TNR: variants seen among roughly 807,000 people sequenced by gnomAD.
The protein encoded by TNR is tenascin R, also known as tenascin-R.
Under a neutral mutation model 150.4 loss-of-function variants are expected in TNR, and 45 were observed. That is an observed-to-expected ratio of 0.30 (90% CI 0.24 to 0.38). The LOEUF (loss-of-function observed/expected upper bound fraction) is 0.38. Among genes scored for constraint, TNR ranks in the 10% least tolerant of loss-of-function variants. The pLI is 1.00. For synonymous variants in TNR, 687 were observed against 678.4 expected (o/e 1.01, Z -0.20); for missense variants, 1,544 against 1,759.1 (o/e 0.88, Z 2.19).
chr1:175,622,769 C>T (rs890226401), intron 1 of TNR, among the ~76,000 whole-genome samples: 1 of 152,208 alleles, frequency 6.6e-6, no homozygotes, highest in Non-Finnish European at 1.5e-5. Flanking sequence ...ATTAGCAGGG[C>T]TATGATGCCT....
chr1:175,718,942 G>A (rs1429276694), intron 1 of TNR, among the ~76,000 whole-genome samples: 1 of 152,186 alleles, frequency 6.6e-6, no homozygotes, highest in African/African-American at 2.4e-5. Flanking sequence ...CTACCAGCAA[G>A]GACGTTCACT....
At chr1:175,732,682 A>C (rs2101955064) in intron 1 of TNR, among the ~76,000 whole-genome samples, 1 of 152,308 alleles carries the variant, frequency 6.6e-6, no homozygotes, top group Non-Finnish European at 1.5e-5. Context: ...ATGCTCAGAG[A>C]CAGCATAGTC....
Position 175,377,238 on chromosome 1 carries a change from T to C in TNR, c.1963+2314A>G, listed in dbSNP as rs139611143. Among the ~76,000 whole-genome samples the C allele has an allele frequency of 1.1e-3, 164 of 152,298 alleles. 1 individual carries two copies. Among genetic ancestry groups the C allele is most frequent in the African/African-American group, 3.2e-3 (134 of 41,572 alleles). ...TATAACTGTATGAGAGTTCCTGGAATAAGAGAGATGATCAGTGAGTGTCGG... is the reference window on the plus strand; with the variant it reads ...TATAACTGTATGAGAGTTCCTGGAACAAGAGAGATGATCAGTGAGTGTCGG... On this transcript the variant is annotated intron_variant, in intron 9 of 22. Coordinates refer to ENST00000367674, the MANE Select transcript of TNR (RefSeq NM_003285.3).
In TNR at chr1:175,365,066, A is replaced by T; in HGVS notation, c.2531T>A (p.Leu844His). Residue 844 changes from leucine to histidine, a missense_variant, in exon 12 of 23, where the codon CTT (leucine) becomes CAT (histidine). Physicochemically the swap from Leu to His is moderately conservative, Grantham distance 99 (BLOSUM62 -3). Coordinates refer to ENST00000367674, the MANE Select transcript of TNR (RefSeq NM_003285.3). The stretch of plus-strand genomic sequence containing the variant: ...GGTCACTGTGCCATGGACAGCCACA[A>T]GGTTCACAATATACTCTGTGGCTGG... ...LQPATEYIVNLVAVHGTVTSE... is the reference protein window; with the variant it reads ...LQPATEYIVNHVAVHGTVTSE... 6.2e-7 allele frequency: 1 copy of T among 1,614,028 alleles called. No homozygotes were observed. Among genetic ancestry groups the T allele is most frequent in the Non-Finnish European group, 8.5e-7 (1 of 1,179,932 alleles).
At chr1:175,374,786 G>T (rs1312220225) in intron 9 of TNR, among the ~76,000 whole-genome samples, 1 of 152,234 alleles carries the variant, frequency 6.6e-6, no homozygotes, top group Non-Finnish European at 1.5e-5. Flanking sequence ...GAGTGGGTAA[G>T]GGGTGCGATG....
chr1:175,531,185 G>C (rs983058), intron 1 of TNR, among the ~76,000 whole-genome samples: 17,331 of 152,266 alleles, frequency 0.11, 1,234 homozygotes, highest in Non-Finnish European at 0.17. Flanking sequence ...AACTGAAGTG[G>C]AGTGTGTGTG....
At chr1:175,392,567 A>G (rs1011160047) in intron 6 of TNR, among the ~76,000 whole-genome samples, 2 of 152,198 alleles carry the variant, frequency 1.3e-5, no homozygotes, top group African/African-American at 4.8e-5. Context: ...AATTGACATG[A>G]TCGTTTCAAT....
At chr1:175,698,577 T>C (rs535389779) in intron 1 of TNR, among the ~76,000 whole-genome samples, 3 of 152,198 alleles carry the variant, frequency 2.0e-5, no homozygotes, top group African/African-American at 7.2e-5. Flanking sequence ...CAGTGGCTCA[T>C]GCCTGTAATC....
At chr1:175,332,909 A>G (rs1409665720) in intron 20 of TNR, among the ~76,000 whole-genome samples, 1 of 152,254 alleles carries the variant, frequency 6.6e-6, no homozygotes, top group African/African-American at 2.4e-5. Flanking sequence ...AAGGCACTAA[A>G]TAACCTTGAA....
intron 2 of TNR, among the ~76,000 whole-genome samples, chr1:175,479,750 T>C (rs1362220049): frequency 6.6e-6 from 1 of 152,142 alleles, no homozygotes; most frequent in African/African-American, 2.4e-5. Flanking sequence ...TCTGAAGATC[T>C]TATCATGTCC....
intron 21 of TNR, among the ~76,000 whole-genome samples, chr1:175,324,844 C>T (rs1255465008): frequency 6.6e-6 from 1 of 152,014 alleles, no homozygotes; most frequent in African/African-American, 2.4e-5. Flanking sequence ...ACAGGCCACT[C>T]ATGGTTCCTC....
At chr1:175,442,737 A>G (rs546734787) in intron 2 of TNR, among the ~76,000 whole-genome samples, 2 of 151,948 alleles carry the variant, frequency 1.3e-5, no homozygotes, top group South Asian at 2.1e-4. Context: ...CCGAGACCAT[A>G]TTTATTCAAA....
Position 175,323,193 on chromosome 1 carries a change from A to G in TNR, c.*164T>C, listed in dbSNP as rs777415754. On this transcript the variant is annotated 3_prime_UTR_variant, in exon 23 of 23. Coordinates refer to ENST00000367674, the MANE Select transcript of TNR (RefSeq NM_003285.3). ...AGGGTCAGGCTCCAGGGCAGCAGAA[A>G]CCAAGAGCAGATGTTAGCCAGCGGA... 2 of 902,096 alleles carry G rather than the reference A, an allele frequency of 2.2e-6. No homozygotes were observed. The highest frequency in any genetic ancestry group is 1.6e-6 in the Non-Finnish European group (1 of 623,280). The allele number at this position is 902,096 out of a possible 1,614,324, so 55.9% of individuals were successfully genotyped here.
At chr1:175,421,786 T>C (rs6425347) in intron 2 of TNR, among the ~76,000 whole-genome samples, 4,523 of 152,284 alleles carry the variant, frequency 0.03, 242 homozygotes, top group African/African-American at 0.1. Flanking sequence ...GAAGGGAACA[T>C]ACCCACCAGC....
chr1:175,665,426 G>A (rs1464728651), intron 1 of TNR, among the ~76,000 whole-genome samples: 1 of 152,180 alleles, frequency 6.6e-6, no homozygotes, highest in East Asian at 1.9e-4. Flanking sequence ...GCAGGTGGGT[G>A]TGTGAAGAGG....
At chr1:175,644,808 T>C (rs748094448) in intron 1 of TNR, among the ~76,000 whole-genome samples, 1 of 152,262 alleles carries the variant, frequency 6.6e-6, no homozygotes, top group Non-Finnish European at 1.5e-5. Flanking sequence ...TGGGAGTTCC[T>C]ACTGGAATCC....
At chr1:175,736,264 G>A (rs376285857) in intron 1 of TNR, among the ~76,000 whole-genome samples, 4 of 152,242 alleles carry the variant, frequency 2.6e-5, no homozygotes, top group Non-Finnish European at 4.4e-5. Context: ...GCTCACGCCT[G>A]TAATCCCAGC....
At chr1:175,328,726 G>C (rs1649550146) in intron 21 of TNR, among the ~76,000 whole-genome samples, 3 of 152,150 alleles carry the variant, frequency 2.0e-5, no homozygotes, top group Admixed American at 2.0e-4. Context: ...GCCTCCATAG[G>C]CCCAGAAGCA....
chr1:175,419,232 C>A (rs2102060585), intron 2 of TNR, among the ~76,000 whole-genome samples: 1 of 152,202 alleles, frequency 6.6e-6, no homozygotes, highest in East Asian at 1.9e-4. Flanking sequence ...TTCAAATGTT[C>A]TTTTATTAAC....
Sources: allele counts gnomAD v4.1 joint callset (sites outside exome capture counted in the v4.1 genomes callset), GRCh38; gene constraint gnomAD v4.1.1; transcripts MANE v1.5; gene names NCBI Gene and HGNC (gene_info 2026-07-23, HGNC 2026-07-21).